Variants in MATN4 observed in about 807,000 individuals in gnomAD.
The protein encoded by MATN4 is matrilin 4.
A neutral mutation model predicts 54.6 loss-of-function variants in MATN4; 40 were observed. That is an observed-to-expected ratio of 0.73 (90% CI 0.57 to 0.95). The LOEUF (loss-of-function observed/expected upper bound fraction) is 0.95, where lower values mean the gene tolerates loss of function less well. MATN4 is among the 40% of genes least tolerant of loss of function. The probability of loss-of-function intolerance (pLI) is 0.00; values close to 1 mark genes in which losing one functional copy is unlikely to be tolerated. For missense variants in MATN4, 810 were observed against 819.1 expected (o/e 0.99, Z 0.13); for synonymous variants, 351 against 345.3 (o/e 1.02, Z -0.18).
At position 45,297,974 on chromosome 20, in the gene MATN4, G is replaced by A. The variant is rs2233104; in HGVS notation, c.1523C>T (p.Pro508Leu). ...EPAELHVSYAPDFGTMTHLLE... is the reference protein window; with the variant it reads ...EPAELHVSYALDFGTMTHLLE... ...CAGGTGCGTCATGGTGCCGAAGTCC[G>A]GGGCATAGGACACGTGCAGTTCCGC... Residue 508 changes from proline to leucine, a missense_variant, in exon 8 of 10, where the codon CCG becomes CTG. By Grantham distance (98) the Pro-to-Leu change is moderately conservative. Coordinates refer to ENST00000372756, the MANE Select transcript of MATN4 (RefSeq NM_001393530.1). 3.1e-3 allele frequency: 5,012 copies of A among 1,614,020 alleles called. 23 individuals carry two copies. The highest frequency in any genetic ancestry group is 5.3e-3 in the Middle Eastern group (32 of 6,058).
chr20:45,303,449 T>C (rs1986370375), intron 3 of MATN4: 3 of 717,302 alleles, frequency 4.2e-6, no homozygotes, highest in Non-Finnish European at 5.2e-6. Context: ...CAGTGGAACA[T>C]GGCCCAGGCA....
In MATN4 at chr20:45,304,379, G is replaced by T; in HGVS notation, c.492C>A (p.Arg164=). ...VAEVAAQARA[R]GIEIYAVGVQ... ...CCCCCACCGCGTAAATTTCAATGCCGCGGGCGCGCGCCTGTGCCGCCACCT... is the reference window on the plus strand; with the variant it reads ...CCCCCACCGCGTAAATTTCAATGCCTCGGGCGCGCGCCTGTGCCGCCACCT... The change falls in exon 3 of 10, where the codon CGC becomes CGA. Residue 164 remains arginine (R), a synonymous_variant. Coordinates refer to ENST00000372756, the MANE Select transcript of MATN4 (RefSeq NM_001393530.1). The T allele has an allele frequency of 6.7e-7, 1 of 1,500,902 alleles. No homozygotes were observed. Among genetic ancestry groups the T allele is most frequent in the East Asian group, 2.4e-5 (1 of 42,148 alleles). The allele number at this position is 1,500,902 out of a possible 1,614,324, so 93.0% of individuals were successfully genotyped here.
Position 45,300,935 on chromosome 20 carries a change from G to C in MATN4, c.964C>G (p.Leu322Val), listed in dbSNP as rs751508003. 1.2e-6 allele frequency: 2 copies of C among 1,613,910 alleles called. No homozygotes were observed. The highest frequency in any genetic ancestry group is 4.5e-5 in the East Asian group (2 of 44,888). Residue 322 changes from leucine to valine, a missense_variant, in exon 6 of 10, where the codon CTG (leucine) becomes GTG (valine). By Grantham distance (32) the Leu-to-Val change is conservative (BLOSUM62 1). Coordinates refer to ENST00000372756, the MANE Select transcript of MATN4 (RefSeq NM_001393530.1). ...CVSEGLSYRC[L>V]CPEGRQLQAD... Reference sequence around the variant, plus strand: ...TGAAGTTGCCGCCCCTCGGGGCACAGGCAGCGGTAGGAGAGGCCCTCGCTC... The same window carrying C: ...TGAAGTTGCCGCCCCTCGGGGCACACGCAGCGGTAGGAGAGGCCCTCGCTC...
Position 45,304,307 on chromosome 20 carries a change from C to A in MATN4, c.564G>T (p.Pro188=), listed in dbSNP as rs1375421454. The A allele has an allele frequency of 7.8e-6, 12 of 1,536,100 alleles. No individual in the cohort carries two copies. The highest frequency in any genetic ancestry group is 9.6e-6 in the Non-Finnish European group (11 of 1,143,966). Residue 188 remains proline (P), a synonymous_variant, in exon 3 of 10, where the codon CCG becomes CCT. Transcript: ENST00000372756. ...CTACGAGGAAGACGTGCTCGTCTAGCGGGGGCGATGCCATGGCGCGCAGGG... is the reference window on the plus strand; with the variant it reads ...CTACGAGGAAGACGTGCTCGTCTAGAGGGGGCGATGCCATGGCGCGCAGGG... ...VGSLRAMASP[P]LDEHVFLVES... is the part of the protein sequence containing the mutation.
Position 45,304,594 on chromosome 20 carries a change from G to T in MATN4, c.277C>A (p.Arg93Ser). The T allele has an allele frequency of 6.3e-7, 1 of 1,599,100 alleles. No individual in the cohort carries two copies. Among genetic ancestry groups the T allele is most frequent in the Non-Finnish European group, 8.6e-7 (1 of 1,168,230 alleles). Residue 93 changes from arginine (R) to serine (S), a missense_variant, in exon 3 of 10, where the codon CGC (arginine) becomes AGC (serine). Arg to Ser is a moderately radical substitution (Grantham distance 110). Transcript: ENST00000372756. ...ATGGCGCGCTCCATGTCCTCGCGGC[G>T]AGAGAACGCGCGGAGAGGGAAGACG... is the stretch of plus-strand genomic sequence containing the variant. ...QSVFPLRAFS[R>S]REDMERAIRD...
upstream of MATN4, chr20:45,308,515 C>A: frequency 2.0e-6 from 1 of 501,374 alleles, no homozygotes; most frequent in Non-Finnish European, 3.6e-6. Context: ...CTGGGGAGAC[C>A]GGGGCAGCCA....
intron 6 of MATN4, among the ~76,000 whole-genome samples, chr20:45,300,006 C>T (rs973740178): frequency 3.5e-5 from 5 of 144,172 alleles, no homozygotes; most frequent in African/African-American, 1.1e-4. Flanking sequence ...TGTGTGTTGG[C>T]GTGGGGAGGC....
At chr20:45,305,802 A>ATTATTTTTTTT (rs1050722306) in intron 1 of MATN4, among the ~76,000 whole-genome samples, 186 bp from the exon 2 acceptor site, 1 of 12,174 alleles carries the variant, frequency 8.2e-5, no homozygotes, top group Non-Finnish European at 1.7e-4. Flanking sequence ...AACACAAGAG[A>ATTATTTTTTTT]TTCTTTTTTT....
chr20:45,303,556 AAGCCTCCAACAAGAGAG>A (rs1487488339), intron 3 of MATN4: 1 of 677,642 alleles, frequency 1.5e-6, no homozygotes, highest in East Asian at 2.8e-5. Flanking sequence ...AGATGGGCAG[AAGCCTCCAACAAGAGAG>A]AGCTGGATGG....
Position 45,297,900 on chromosome 20 carries a change from C to A in MATN4, c.1579+18G>T. 6.2e-7 allele frequency: 1 copy of A among 1,613,680 alleles called. No homozygotes were observed. Among genetic ancestry groups the A allele is most frequent in the Non-Finnish European group, 8.5e-7 (1 of 1,179,694 alleles). Reference sequence around the variant, plus strand: ...GGGCAATGAGAGAGAGGAGGAGCCCCGAGAGAGATGCGCTCACCTGGACAG... The same window carrying A: ...GGGCAATGAGAGAGAGGAGGAGCCCAGAGAGAGATGCGCTCACCTGGACAG... On this transcript the variant is annotated intron_variant, in intron 8 of 9. Transcript: ENST00000372756.
chr20:45,300,769 AAC>A, intron 6 of MATN4, 116 bp downstream of exon 6: 2 of 1,300,370 alleles, frequency 1.5e-6, no homozygotes, highest in East Asian at 2.3e-5. Context: ...TCACCCCCAC[AAC>A]ACACACAGAC....
rs755754966 is a variant in MATN4 at position 45,293,768 on chromosome 20, C to G, written c.1745G>C (p.Ter582SerextTer49). ...DLENQLANQK[*>S] The stretch of plus-strand genomic sequence containing the variant: ...CCGGGTCTGGGCCGTCCGTGGCCCT[C>G]ACTTCTGGTTGGCCAGCTGGTTCTC... The change falls in exon 10 of 10, where the codon TGA (stop) becomes TCA (serine). Residue 582 changes from the stop codon to serine, a stop_lost. Coordinates refer to ENST00000372756, the MANE Select transcript of MATN4 (RefSeq NM_001393530.1). The G allele has an allele frequency of 1.2e-6, 2 of 1,607,268 alleles. No homozygotes were observed. Among genetic ancestry groups the G allele is most frequent in the Non-Finnish European group, 1.7e-6 (2 of 1,179,400 alleles).
At position 45,300,877 on chromosome 20, in the gene MATN4, C is replaced by T. The variant is rs1218617887; in HGVS notation, c.1012+10G>A. The T allele has an allele frequency of 1.9e-6, 3 of 1,612,114 alleles. No individual in the cohort carries two copies. Among genetic ancestry groups the T allele is most frequent in the East Asian group, 4.5e-5 (2 of 44,882 alleles). ...GAAGCCAACAGAACACCCTCCCGCC[C>T]ATCACTCACGGTTGCAGCTCTTGCC... On this transcript the variant is annotated intron_variant, in intron 6 of 9. Transcript: ENST00000372756.
At position 45,304,851 on chromosome 20, in the gene MATN4, G is replaced by A. The variant is rs1012628557; in HGVS notation, c.74-54C>T. 5 of 1,226,552 alleles carry A rather than the reference G, an allele frequency of 4.1e-6. No individual in the cohort carries two copies. In the East Asian group the frequency reaches 7.4e-5, roughly 18 times the overall value. 76.0% of individuals were successfully genotyped at this position (1,226,552 alleles called of 1,614,324 possible). A position where few individuals can be genotyped will look rare whatever the true frequency, so the allele number is the denominator to read the frequency against. ...AGGTCAGCAAAGCCTCACCTCCGAG[G>A]AGACCCCCTAGGAAACCCAGGGGAA... On this transcript the variant is annotated intron_variant, in intron 2 of 9. Coordinates refer to ENST00000372756, the MANE Select transcript of MATN4 (RefSeq NM_001393530.1).
rs1201578698 is a variant in MATN4 at position 45,293,721 on chromosome 20, G to A, written c.*46C>T. On this transcript the variant is annotated 3_prime_UTR_variant, in exon 10 of 10. Transcript: ENST00000372756. ...GCACCGATGGCGCGCAAGGGGCACCGTCCGTGGTGCCGCGCCCCAGCCCGG... is the reference window on the plus strand; with the variant it reads ...GCACCGATGGCGCGCAAGGGGCACCATCCGTGGTGCCGCGCCCCAGCCCGG... 4 of 1,540,450 alleles carry A rather than the reference G, an allele frequency of 2.6e-6. No homozygotes were observed. Among genetic ancestry groups the A allele is most frequent in the East Asian group, 4.7e-5 (2 of 42,908 alleles).
rs201348637 is a variant in MATN4, at chr20:45,297,954, G to T, written c.1543C>A (p.His515Asn). The T allele has an allele frequency of 2.7e-5, 43 of 1,614,228 alleles. No homozygotes were observed. In the East Asian group the frequency reaches 9.4e-4, roughly 35 times the overall value. ...CTGCCTCTGAGGTTCTCCAGCAGGTGCGTCATGGTGCCGAAGTCCGGGGCA... is the reference window on the plus strand; with the variant it reads ...CTGCCTCTGAGGTTCTCCAGCAGGTTCGTCATGGTGCCGAAGTCCGGGGCA... Reference protein sequence around the residue: ...SYAPDFGTMTHLLENLRGSIC... With the variant: ...SYAPDFGTMTNLLENLRGSIC... Residue 515 changes from histidine (H) to asparagine (N), a missense_variant, in exon 8 of 10, where the codon CAC (histidine) becomes AAC (asparagine). Coordinates refer to ENST00000372756, the MANE Select transcript of MATN4 (RefSeq NM_001393530.1).
chr20:45,300,968 G>T lies in MATN4; in HGVS notation c.931C>A (p.Gln311Lys), dbSNP rs571003081. 8 of 1,614,088 alleles carry T rather than the reference G, an allele frequency of 5.0e-6. No homozygotes were observed. Among genetic ancestry groups the T allele is most frequent in the Non-Finnish European group, 6.8e-6 (8 of 1,179,990 alleles). The part of the protein sequence containing the change: ...CNGVDHGCEF[Q>K]CVSEGLSYRC... Reference sequence around the variant, plus strand: ...TAGGAGAGGCCCTCGCTCACACACTGGAACTCACAGCCATGGTCCACGCCA... The same window carrying T: ...TAGGAGAGGCCCTCGCTCACACACTTGAACTCACAGCCATGGTCCACGCCA... Residue 311 changes from glutamine to lysine, a missense_variant, in exon 6 of 10, where the codon CAG (glutamine) becomes AAG (lysine). Coordinates refer to ENST00000372756, the MANE Select transcript of MATN4 (RefSeq NM_001393530.1).
chr20:45,305,598 A>G lies in MATN4; in HGVS notation c.-16T>C. On this transcript the variant is annotated 5_prime_UTR_variant, in exon 2 of 10. Coordinates refer to ENST00000372756, the MANE Select transcript of MATN4 (RefSeq NM_001393530.1). ...GGCCTCTCATGGCGCTTGGGGACAGAGAATGGAGGTGTCAGAGCCTGGAGG... is the reference window on the plus strand; with the variant it reads ...GGCCTCTCATGGCGCTTGGGGACAGGGAATGGAGGTGTCAGAGCCTGGAGG... 6.5e-7 allele frequency: 1 copy of G among 1,546,510 alleles called. No homozygotes were observed. The highest frequency in any genetic ancestry group is 8.8e-7 in the Non-Finnish European group (1 of 1,141,262).
chr20:45,297,836 T>G, intron 8 of MATN4, 82 bp downstream of exon 8: 6 of 1,535,060 alleles, frequency 3.9e-6, no homozygotes, highest in Non-Finnish European at 5.4e-6. Flanking sequence ...AACTACAAAG[T>G]GGGCAGGGAG....
Sources: gnomAD v4.1 joint callset for allele counts (sites outside exome capture counted in the v4.1 genomes callset) on GRCh38, gnomAD v4.1.1 for gene constraint, MANE v1.5 for transcripts, NCBI Gene and HGNC (gene_info 2026-07-23, HGNC 2026-07-21) for gene names.